Variants in BTBD9 observed in about 807,000 individuals in gnomAD.
BTBD9 encodes BTB/POZ domain-containing protein 9.
BTBD9 carries 49 observed loss-of-function variants against 64.3 expected under a neutral mutation model. The observed-to-expected ratio is 0.76, with a 90% confidence interval of 0.61 to 0.97. The LOEUF (loss-of-function observed/expected upper bound fraction) is 0.97, where lower values mean the gene tolerates loss of function less well. BTBD9 is among the 50% of genes least tolerant of loss of function. The pLI, the probability that BTBD9 is intolerant of heterozygous loss-of-function variation, is 0.00. For missense variants in BTBD9, 598 were observed against 762.1 expected (o/e 0.78, Z 2.53); for synonymous variants, 260 against 274.7 (o/e 0.95, Z 0.53).
chr6:38,591,896 C>T (rs1031871440), intron 4 of BTBD9, among the ~76,000 whole-genome samples: 7 of 152,076 alleles, frequency 4.6e-5, no homozygotes, highest in African/African-American at 1.4e-4. Flanking sequence ...TTAGAATCTC[C>T]ATGTTCAGCC....
intron 6 of BTBD9, among the ~76,000 whole-genome samples, chr6:38,486,767 G>A (rs985782365): frequency 6.6e-5 from 10 of 152,192 alleles, no homozygotes; most frequent in African/African-American, 2.4e-4. Context: ...AGGCACACAA[G>A]TAAGCACATG....
chr6:38,577,867 G>T, intron 5 of BTBD9, 148 bp from the exon 6 acceptor site: 1 of 744,892 alleles, frequency 1.3e-6, no homozygotes, highest in Non-Finnish European at 2.2e-6. Flanking sequence ...ACAAAAGAAT[G>T]TTATGATAGC....
chr6:38,416,938 T>C (rs1767695908), intron 6 of BTBD9, among the ~76,000 whole-genome samples: 1 of 152,106 alleles, frequency 6.6e-6, no homozygotes, highest in Admixed American at 6.5e-5. Context: ...TGTTTTGTTT[T>C]GTTGTTTGTT....
intron 7 of BTBD9, among the ~76,000 whole-genome samples, chr6:38,341,822 C>A (rs1159505082): frequency 6.6e-6 from 1 of 152,170 alleles, no homozygotes; most frequent in Non-Finnish European, 1.5e-5. Flanking sequence ...GAGGCAGCCA[C>A]CAAATGAGAA....
At chr6:38,339,021 A>T (rs1764003524) in intron 7 of BTBD9, among the ~76,000 whole-genome samples, 2 of 152,322 alleles carry the variant, frequency 1.3e-5, no homozygotes, top group African/African-American at 4.8e-5. Flanking sequence ...GGGAGAATTT[A>T]AAAATGTTAT....
chr6:38,549,621 C>T (rs1220334268), intron 6 of BTBD9, among the ~76,000 whole-genome samples: 1 of 152,150 alleles, frequency 6.6e-6, no homozygotes, highest in Non-Finnish European at 1.5e-5. Flanking sequence ...AACAAGGTTT[C>T]TGCAAAAATA....
At chr6:38,515,590 T>C (rs1772988683) in intron 6 of BTBD9, among the ~76,000 whole-genome samples, 1 of 152,160 alleles carries the variant, frequency 6.6e-6, no homozygotes, top group African/African-American at 2.4e-5. Flanking sequence ...ATTAAATAAT[T>C]TATTTCAATA....
chr6:38,482,944 T>A (rs1481824935), intron 6 of BTBD9, among the ~76,000 whole-genome samples: 1 of 152,078 alleles, frequency 6.6e-6, no homozygotes, highest in Non-Finnish European at 1.5e-5. Flanking sequence ...AGAAGGAACC[T>A]CAATTCTACC....
chr6:38,422,593 A>T (rs1163045136), intron 6 of BTBD9, among the ~76,000 whole-genome samples: 2 of 152,192 alleles, frequency 1.3e-5, no homozygotes, highest in African/African-American at 4.8e-5. Context: ...AATGAAATGA[A>T]GATGTAGAAT....
intron 8 of BTBD9, among the ~76,000 whole-genome samples, chr6:38,281,966 A>G (rs971175574): frequency 1.3e-5 from 2 of 152,248 alleles, no homozygotes; most frequent in African/African-American, 4.8e-5. Flanking sequence ...ATTAGCTGGA[A>G]AAGACTGGAT....
chr6:38,299,780 G>T (rs1762315167), intron 7 of BTBD9, among the ~76,000 whole-genome samples: 1 of 152,096 alleles, frequency 6.6e-6, no homozygotes, highest in African/African-American at 2.4e-5. Flanking sequence ...TGAGTAGGTT[G>T]CAAAAATTTT....
chr6:38,234,185 A>G (rs141578357), intron 9 of BTBD9, among the ~76,000 whole-genome samples: 16 of 149,198 alleles, frequency 1.1e-4, no homozygotes, highest in African/African-American at 3.9e-4. Context: ...TTGTTGTTCT[A>G]TATGACTCTA....
intron 6 of BTBD9, among the ~76,000 whole-genome samples, chr6:38,537,784 G>A (rs1774086632): frequency 6.6e-6 from 1 of 152,150 alleles, no homozygotes; most frequent in Non-Finnish European, 1.5e-5. Context: ...ATTTTCCTTT[G>A]CCAGTAGGTG....
intron 7 of BTBD9, among the ~76,000 whole-genome samples, chr6:38,304,541 G>A (rs1415742066): frequency 8.0e-5 from 12 of 149,792 alleles, no homozygotes; most frequent in African/African-American, 2.4e-4. Flanking sequence ...GCAAGGCTCC[G>A]TCTCAAAAAA....
intron 6 of BTBD9, among the ~76,000 whole-genome samples, chr6:38,370,346 A>C: frequency 6.6e-6 from 1 of 152,254 alleles, no homozygotes; most frequent in East Asian, 1.9e-4. Context: ...ATGCTCCAAA[A>C]AACATAAAAC....
chr6:38,244,382 G>T (rs1032533478), intron 9 of BTBD9, among the ~76,000 whole-genome samples: 1 of 152,080 alleles, frequency 6.6e-6, no homozygotes, highest in Non-Finnish European at 1.5e-5. Flanking sequence ...CCAGAGTGAG[G>T]TCTGTTCTGT....
intron 6 of BTBD9, among the ~76,000 whole-genome samples, chr6:38,493,977 T>G (rs956430374): frequency 5.9e-5 from 9 of 152,238 alleles, no homozygotes; most frequent in Non-Finnish European, 8.8e-5. Flanking sequence ...AAGCCATTAC[T>G]GTCATTCAAA....
At chr6:38,199,336 G>A (rs1009860650) in intron 9 of BTBD9, among the ~76,000 whole-genome samples, 3 of 152,094 alleles carry the variant, frequency 2.0e-5, no homozygotes, top group Non-Finnish European at 2.9e-5. Flanking sequence ...GTCCCTTTCG[G>A]GAGCCGCTGA....
chr6:38,565,403 C>G (rs1333031088), intron 6 of BTBD9, among the ~76,000 whole-genome samples: 7 of 152,064 alleles, frequency 4.6e-5, no homozygotes, highest in Non-Finnish European at 1.0e-4. Context: ...GCCAAATATC[C>G]CTTAAGGGAG....
Sources: gnomAD v4.1 joint callset for allele counts (sites outside exome capture counted in the v4.1 genomes callset) on GRCh38, gnomAD v4.1.1 for gene constraint, MANE v1.5 for transcripts, NCBI Gene and HGNC (gene_info 2026-07-23, HGNC 2026-07-21) for gene names.